The following RABEP1 variants were observed in gnomAD, a reference collection of about 807,000 sequenced individuals.
The protein encoded by RABEP1 is rab GTPase-binding effector protein 1.
In RABEP1, 51 loss-of-function variants were observed where a neutral mutation model predicts 123.4. That is an observed-to-expected ratio of 0.41 (90% confidence interval 0.33 to 0.52). The LOEUF is 0.52. Ranked by LOEUF, RABEP1 falls within the 20% of genes least tolerant of loss-of-function variation. The probability of loss-of-function intolerance (pLI) is 0.16; values close to 1 mark genes in which losing one functional copy is unlikely to be tolerated. For synonymous variants in RABEP1, 347 were observed against 355.2 expected, an observed-to-expected ratio of 0.98 and a Z score of 0.26; for missense variants, 888 against 996.3, an observed-to-expected ratio of 0.89 and a Z score of 1.46.
intron 2 of RABEP1, among the ~76,000 whole-genome samples, 197 bp downstream of exon 2, chr17:5,309,019 C>G (rs1422665414): frequency 6.6e-6 from 1 of 152,008 alleles, no homozygotes; most frequent in Non-Finnish European, 1.5e-5. Context: ...CAGATTTTGC[C>G]TTGTTTTTTG....
intron 9 of RABEP1, 32 bp downstream of exon 9, chr17:5,361,707 C>A: frequency 6.5e-7 from 1 of 1,534,132 alleles, no homozygotes; most frequent in South Asian, 1.2e-5. Flanking sequence ...TTTCCTCTTG[C>A]TCACGCTGAG....
intron 12 of RABEP1, chr17:5,371,369 G>A (rs1910520663): frequency 6.6e-6 from 1 of 152,106 alleles, no homozygotes; most frequent in Non-Finnish European, 1.5e-5. Flanking sequence ...TAAATACTCA[G>A]CTCCATTTCC....
intron 9 of RABEP1, 39 bp from the exon 10 acceptor site, chr17:5,362,873 T>C: frequency 7.5e-7 from 1 of 1,324,670 alleles, no homozygotes; most frequent in Non-Finnish European, 1.1e-6. Context: ...TGATGTAGAA[T>C]TGTTTTGCCT....
chr17:5,367,245 T>TACACACACACAC (rs145302611), intron 11 of RABEP1, among the ~76,000 whole-genome samples: 123 of 147,750 alleles, frequency 8.3e-4, no homozygotes, highest in African/African-American at 2.9e-3. Context: ...AGAACTTAGA[T>TACACACACACAC]ACACACACAC....
chr17:5,322,142 G>C (rs1477038282), intron 2 of RABEP1, among the ~76,000 whole-genome samples: 1 of 152,232 alleles, frequency 6.6e-6, no homozygotes, highest in Non-Finnish European at 1.5e-5. Context: ...GGAGGTTGCA[G>C]TGAGCTGAGA....
At chr17:5,325,438 A>G (rs1342714807) in intron 2 of RABEP1, among the ~76,000 whole-genome samples, 5 of 152,202 alleles carry the variant, frequency 3.3e-5, no homozygotes, top group African/African-American at 1.2e-4. Context: ...CTGAAAGACA[A>G]GTATCACATG....
intron 1 of RABEP1, among the ~76,000 whole-genome samples, chr17:5,301,631 T>C (rs2075135770): frequency 6.6e-6 from 1 of 152,144 alleles, no homozygotes; most frequent in African/African-American, 2.4e-5. Context: ...TTATTTTACG[T>C]TGTGGCACAA....
At chr17:5,285,856 T>G (rs2074972540) in intron 1 of RABEP1, among the ~76,000 whole-genome samples, 1 of 93,452 alleles carries the variant, frequency 1.1e-5, no homozygotes, top group South Asian at 5.8e-4. Context: ...TCATTCTTCT[T>G]AAAGACGATC....
intron 11 of RABEP1, among the ~76,000 whole-genome samples, chr17:5,367,245 T>TATACACACAC (rs1555525066): frequency 6.8e-6 from 1 of 147,666 alleles, no homozygotes; most frequent in African/African-American, 2.5e-5. Flanking sequence ...AGAACTTAGA[T>TATACACACAC]ACACACACAC....
At chr17:5,302,552 G>C (rs891637058) in intron 1 of RABEP1, among the ~76,000 whole-genome samples, 2 of 148,190 alleles carry the variant, frequency 1.3e-5, no homozygotes, top group Admixed American at 1.3e-4. Flanking sequence ...GCTTACCTTA[G>C]TCTATAAAGT....
chr17:5,330,350 A>G (rs1906414789), intron 2 of RABEP1, among the ~76,000 whole-genome samples: 1 of 152,200 alleles, frequency 6.6e-6, no homozygotes, highest in African/African-American at 2.4e-5. Flanking sequence ...TGATGTTGAG[A>G]GAGTAAAGAT....
rs371183916 is a variant in RABEP1, at chr17:5,300,113, T to C, written c.35-8581T>C. On this transcript the variant is annotated intron_variant, in intron 1 of 17. Transcript: ENST00000537505. ...TATTAGGAGATATGACTGGGTCTTA[T>C]AGAGTATAATATGCAGTTAGATGGG... Among the ~76,000 whole-genome samples the C allele has an allele frequency of 7.2e-5, 11 of 152,300 alleles. No individual in the cohort carries two copies. In the South Asian group the frequency reaches 1.7e-3, roughly 23 times the overall value.
chr17:5,373,297 A>G lies in RABEP1; in HGVS notation c.1885-17A>G. 1.2e-6 allele frequency: 2 copies of G among 1,608,404 alleles called. No homozygotes were observed. Among genetic ancestry groups the G allele is most frequent in the Non-Finnish European group, 1.7e-6 (2 of 1,177,512 alleles). ...ATCTACCTTTCTGGCTGTGATTAGTATCTACTTCTATTTTAGGCGGTGCTG... is the reference window on the plus strand; with the variant it reads ...ATCTACCTTTCTGGCTGTGATTAGTGTCTACTTCTATTTTAGGCGGTGCTG... On this transcript the variant is annotated splice_polypyrimidine_tract_variant and intron_variant, in intron 12 of 17. Coordinates refer to ENST00000537505, the MANE Select transcript of RABEP1 (RefSeq NM_004703.6).
chr17:5,306,204 A>T (rs963132495), intron 1 of RABEP1, among the ~76,000 whole-genome samples: 1 of 151,940 alleles, frequency 6.6e-6, no homozygotes, highest in Non-Finnish European at 1.5e-5. Flanking sequence ...CAGCTGGGCA[A>T]AATCTTCTAA....
chr17:5,333,854 A>T (rs1906793178), intron 3 of RABEP1, among the ~76,000 whole-genome samples: 1 of 152,212 alleles, frequency 6.6e-6, no homozygotes, highest in African/African-American at 2.4e-5. Flanking sequence ...TCAGAAAAGC[A>T]AAAATTTTCT....
intron 11 of RABEP1, among the ~76,000 whole-genome samples, chr17:5,366,193 G>A (rs1257027834): frequency 6.6e-6 from 1 of 152,124 alleles, no homozygotes; most frequent in African/African-American, 2.4e-5. Context: ...ATGTATAATG[G>A]TATTTCACTG....
intron 2 of RABEP1, among the ~76,000 whole-genome samples, chr17:5,325,124 G>A (rs1404657556): frequency 6.6e-6 from 1 of 151,904 alleles, no homozygotes; most frequent in African/African-American, 2.4e-5. Context: ...ACCAGCCTGG[G>A]CAACATGGTG....
At chr17:5,336,582 C>T in intron 4 of RABEP1, 1 of 400,560 alleles carries the variant, frequency 2.5e-6, no homozygotes, top group Non-Finnish European at 4.7e-6. Flanking sequence ...TTTTAATGAC[C>T]TTTCTGTCAT....
At chr17:5,329,653 T>C (rs981846781) in intron 2 of RABEP1, among the ~76,000 whole-genome samples, 2 of 152,122 alleles carry the variant, frequency 1.3e-5, no homozygotes, top group African/African-American at 4.8e-5. Context: ...TAATTACATA[T>C]ACAGCAGTAA....
Sources: allele counts gnomAD v4.1 joint callset (sites outside exome capture counted in the v4.1 genomes callset), GRCh38; gene constraint gnomAD v4.1.1; transcripts MANE v1.5; gene names NCBI Gene and HGNC (gene_info 2026-07-23, HGNC 2026-07-21).